Variants in PLA2G4E observed in about 807,000 individuals in gnomAD.
PLA2G4E encodes the protein cytosolic phospholipase A2 epsilon.
A neutral mutation model predicts 109.1 loss-of-function variants in PLA2G4E; 84 were observed. The observed-to-expected ratio is 0.77, with a 90% confidence interval of 0.65 to 0.92. PLA2G4E has a LOEUF of 0.92. PLA2G4E is among the 40% of genes least tolerant of loss of function. The pLI, the probability that PLA2G4E is intolerant of heterozygous loss-of-function variation, is 0.00. For synonymous variants in PLA2G4E, 469 were observed against 436.1 expected (o/e 1.08, Z -0.94); for missense variants, 1,057 against 1,076.6 (o/e 0.98, Z 0.25).
chr15:42,028,359 C>A (rs989770176), intron 1 of PLA2G4E, among the ~76,000 whole-genome samples: 2 of 149,256 alleles, frequency 1.3e-5, no homozygotes, highest in Non-Finnish European at 3.0e-5. Context: ...TTCTGTACTG[C>A]GTTTTTATTT....
intron 1 of PLA2G4E, among the ~76,000 whole-genome samples, chr15:42,016,525 C>G (rs55845751): frequency 6.6e-6 from 1 of 151,780 alleles, no homozygotes; most frequent in South Asian, 2.1e-4. Context: ...TTAGTAGAGA[C>G]GCAGTTTCAC....
Position 41,995,291 on chromosome 15 carries a change from C to T in PLA2G4E, c.1247+69G>A, listed in dbSNP as rs557019360. 47 of 1,568,954 alleles carry T rather than the reference C, an allele frequency of 3.0e-5. No homozygotes were observed. The Admixed American group carries it at 5.1e-4, about 17-fold the overall frequency. On this transcript the variant is annotated intron_variant, in intron 12 of 19. Transcript: ENST00000399518. ...TTTGGGTGGCGGGGAGGAGCTTCAC[C>T]TGAGACCCCAGGCCAGCCTGTTCGT... is the stretch of plus-strand genomic sequence containing the variant.
At chr15:42,044,333 T>C (rs1668597) in intron 1 of PLA2G4E, among the ~76,000 whole-genome samples, 137,839 of 151,988 alleles carry the variant, frequency 0.91, 62,549 homozygotes, top group Admixed American at 0.95. Context: ...ATGCGGGCTG[T>C]GGGGAGAGTC....
chr15:42,008,271 C>T (rs1418279597), intron 2 of PLA2G4E, among the ~76,000 whole-genome samples: 2 of 152,238 alleles, frequency 1.3e-5, no homozygotes, highest in South Asian at 2.1e-4. Context: ...CAAAGTAGGG[C>T]CAAGCACTCC....
chr15:41,995,215 G>A, intron 12 of PLA2G4E, 145 bp downstream of exon 12: 1 of 1,100,140 alleles, frequency 9.1e-7, no homozygotes, highest in South Asian at 1.6e-5. Flanking sequence ...CATGCCCAAG[G>A]CCACACCACT....
intron 1 of PLA2G4E, among the ~76,000 whole-genome samples, chr15:42,018,249 G>A (rs1054582468): frequency 1.6e-4 from 24 of 152,160 alleles, no homozygotes; most frequent in Admixed American, 8.5e-4. Flanking sequence ...AGATGCAATC[G>A]AGCAAAGCAC....
intron 1 of PLA2G4E, among the ~76,000 whole-genome samples, chr15:42,039,848 G>T: frequency 6.6e-6 from 1 of 152,118 alleles, no homozygotes; most frequent in South Asian, 2.1e-4. Context: ...AAAATAAAAT[G>T]ATCAATTCTT....
At chr15:42,022,922 G>C (rs969991396) in intron 1 of PLA2G4E, among the ~76,000 whole-genome samples, 17 of 152,134 alleles carry the variant, frequency 1.1e-4, no homozygotes, top group African/African-American at 4.1e-4. Context: ...ATCTGAAAAG[G>C]CCTTACAGAG....
chr15:42,036,244 C>T (rs1363045406), intron 1 of PLA2G4E, among the ~76,000 whole-genome samples: 2 of 152,190 alleles, frequency 1.3e-5, no homozygotes, highest in Non-Finnish European at 1.5e-5. Context: ...CTGGGGGCCG[C>T]GGCGATGGGG....
At chr15:42,013,306 G>T (rs901616764) in intron 2 of PLA2G4E, among the ~76,000 whole-genome samples, 1 of 152,188 alleles carries the variant, frequency 6.6e-6, no homozygotes, top group Non-Finnish European at 1.5e-5. Context: ...GGCCCTAACC[G>T]AAAGGAGGAG....
Position 42,013,650 on chromosome 15 carries a change from A to G in PLA2G4E, c.256+35T>C, listed in dbSNP as rs1359829039. The G allele has an allele frequency of 4.9e-6, 7 of 1,438,388 alleles. No individual in the cohort carries two copies. In the Admixed American group the frequency reaches 6.7e-5, roughly 14 times the overall value. 89.1% of individuals were successfully genotyped at this position (1,438,388 alleles called of 1,614,324 possible). ...AGGGCCTCTTCCATCCAGATCCGGT[A>G]AGCAGAGAAGGAGAGAAGTGAGGTG... On this transcript the variant is annotated intron_variant, in intron 2 of 19. Coordinates refer to ENST00000399518, the Ensembl canonical transcript of PLA2G4E.
intron 1 of PLA2G4E, among the ~76,000 whole-genome samples, chr15:42,034,060 T>C (rs1287534518): frequency 2.0e-5 from 3 of 152,200 alleles, no homozygotes; most frequent in Admixed American, 1.3e-4. Flanking sequence ...AGTATCTGCC[T>C]CGTAGCCCTC....
intron 18 of PLA2G4E, among the ~76,000 whole-genome samples, chr15:41,984,834 A>AG (rs2068114971): frequency 6.6e-6 from 1 of 152,226 alleles, no homozygotes; most frequent in South Asian, 2.1e-4. Context: ...TGCTTCCCCA[A>AG]GTAAAATGGA....
Position 42,034,868 on chromosome 15 carries a change from G to T in PLA2G4E, c.183+15653C>A, listed in dbSNP as rs928071345. Among the ~76,000 whole-genome samples the T allele has an allele frequency of 7.2e-5, 11 of 152,334 alleles. 1 individual carries two copies. In the East Asian group the frequency reaches 2.1e-3, roughly 29 times the overall value. On this transcript the variant is annotated intron_variant, in intron 1 of 19. Coordinates refer to ENST00000399518, the Ensembl canonical transcript of PLA2G4E. ...TGCCCCTTGGACTTCCCAGTTACATGAGACAATAAAGGCTTTTTATTTGCT... is the reference window on the plus strand; with the variant it reads ...TGCCCCTTGGACTTCCCAGTTACATTAGACAATAAAGGCTTTTTATTTGCT...
At position 42,008,696 on chromosome 15, in the gene PLA2G4E, C is replaced by T. The variant is rs139827845; in HGVS notation, c.257-831G>A. 2.2e-3 allele frequency among the ~76,000 whole-genome samples: 331 copies of T among 152,298 alleles called. 7 individuals are homozygous for T. The East Asian group carries it at 0.058, about 27-fold the overall frequency. Reference sequence around the variant, plus strand: ...AATAGTAGCCCAGACTGGCTCCCTGCTCTAGTCTACCTGGGAGGAGGGAGG... The same window carrying T: ...AATAGTAGCCCAGACTGGCTCCCTGTTCTAGTCTACCTGGGAGGAGGGAGG... On this transcript the variant is annotated intron_variant, in intron 2 of 19. Coordinates refer to ENST00000399518, the Ensembl canonical transcript of PLA2G4E.
At chr15:42,004,815 G>T in intron 5 of PLA2G4E, 123 bp downstream of exon 5, 7 of 1,044,786 alleles carry the variant, frequency 6.7e-6, no homozygotes, top group Non-Finnish European at 1.0e-5. Context: ...CAGGGTTAGT[G>T]CCAGGAGTGA....
At chr15:41,996,112 C>G (rs557076077) in intron 11 of PLA2G4E, among the ~76,000 whole-genome samples, 2 of 151,894 alleles carry the variant, frequency 1.3e-5, no homozygotes, top group Non-Finnish European at 2.9e-5. Flanking sequence ...TTTGGGGGGC[C>G]GAGGTGGGCA....
chr15:41,991,194 C>T (rs1286215767), intron 13 of PLA2G4E, among the ~76,000 whole-genome samples: 5 of 152,222 alleles, frequency 3.3e-5, no homozygotes, highest in East Asian at 1.9e-4. Flanking sequence ...CTGGCCAGAG[C>T]GCAAGAGCAG....
At chr15:42,040,119 T>C (rs377509894) in intron 1 of PLA2G4E, among the ~76,000 whole-genome samples, 2 of 152,094 alleles carry the variant, frequency 1.3e-5, no homozygotes, top group Non-Finnish European at 2.9e-5. Flanking sequence ...GAGGATTGCT[T>C]GAGGCCAGGA....
Sources: gnomAD v4.1 joint callset for allele counts (sites outside exome capture counted in the v4.1 genomes callset) on GRCh38, gnomAD v4.1.1 for gene constraint, MANE v1.5 for transcripts, NCBI Gene and HGNC (gene_info 2026-07-23, HGNC 2026-07-21) for gene names.